ATXN7L1: variants seen among roughly 807,000 people sequenced by gnomAD.
The protein encoded by ATXN7L1 is ataxin 7 like 1, also known as ataxin-7-like protein 1.
In ATXN7L1, 15 loss-of-function variants were observed where a neutral mutation model predicts 70.8. The observed-to-expected ratio is 0.21, with a 90% CI of 0.14 to 0.33. The LOEUF (loss-of-function observed/expected upper bound fraction) is 0.33. Ranked by LOEUF, ATXN7L1 falls within the 10% of genes least tolerant of loss-of-function variation. The pLI, the probability that ATXN7L1 is intolerant of heterozygous loss-of-function variation, is 1.00. For missense variants in ATXN7L1, 975 were observed against 1,097.1 expected, an observed-to-expected ratio of 0.89 and a Z score of 1.57; for synonymous variants, 440 against 445.1, an observed-to-expected ratio of 0.99 and a Z score of 0.14.
chr7:105,777,807 C>T (rs1359159070), intron 3 of ATXN7L1, among the ~76,000 whole-genome samples: 4 of 152,210 alleles, frequency 2.6e-5, no homozygotes, highest in African/African-American at 9.6e-5. Flanking sequence ...CTTAGCACCA[C>T]ACGTAGAGTA....
Position 105,780,183 on chromosome 7 carries a change from T to C in ATXN7L1, c.355+8421A>G, listed in dbSNP as rs1803322037. Among the ~76,000 whole-genome samples the C allele has an allele frequency of 2.0e-5, 3 of 152,050 alleles. No homozygotes were observed. In the South Asian group the frequency reaches 6.2e-4, roughly 32 times the overall value. ...GAGATAGACAAAATAAAAAGAACAA[T>C]TGCAGGGAACCTTGGATCCTCATGA... On this transcript the variant is annotated intron_variant, in intron 3 of 11. Transcript: ENST00000419735.
intron 2 of ATXN7L1, among the ~76,000 whole-genome samples, chr7:105,859,235 A>T (rs57316151): frequency 6.6e-6 from 1 of 151,896 alleles, no homozygotes; most frequent in African/African-American, 2.4e-5. Flanking sequence ...CAAATAGTTC[A>T]GCAAAAACAT....
At chr7:105,631,135 T>G (rs1432497208) in intron 7 of ATXN7L1, among the ~76,000 whole-genome samples, 1 of 152,208 alleles carries the variant, frequency 6.6e-6, no homozygotes, top group African/African-American at 2.4e-5. Flanking sequence ...GGTAGTTTCC[T>G]AATTATTTAA....
chr7:105,618,126 G>C, intron 9 of ATXN7L1: 2 of 453,878 alleles, frequency 4.4e-6, no homozygotes, highest in Non-Finnish European at 4.4e-6. Context: ...TGGAGCTTGA[G>C]CTGACAGGAC....
rs1421205208 is a variant in ATXN7L1, at chr7:105,614,676, G to T, written c.1658C>A (p.Thr553Asn). The change falls in exon 10 of 12, where the codon ACC becomes AAC. Residue 553 changes from threonine to asparagine, a missense_variant. This residue lies in a region of ATXN7L1 where 635 missense variants were observed against 699.4 expected (regional missense o/e 0.91). Transcript: ENST00000419735. The surrounding 1 kb of genome is among the most constrained non-coding windows in gnomAD (Gnocchi z 4.3). ...GGCTGATGTCATTATGTAAGAAGAGGTGAGCCTCGAGCTGATGGGAGCTGA... is the reference window on the plus strand; with the variant it reads ...GGCTGATGTCATTATGTAAGAAGAGTTGAGCCTCGAGCTGATGGGAGCTGA... ...LPSAPISSRL[T>N]SSYIMTSAML... is the part of the protein sequence containing the mutation. 14 of 1,551,602 alleles carry T rather than the reference G, an allele frequency of 9.0e-6. No homozygotes were observed. In the Admixed American group the frequency reaches 2.7e-4, roughly 30 times the overall value.
chr7:105,833,336 C>T lies in ATXN7L1; in HGVS notation c.250+42476G>A, dbSNP rs75358479. ...CTTGCCCCTACTAGATCGTAGGTGC[C>T]GTAAAGGCAGGGAATTCTGCAGTCC... On this transcript the variant is annotated intron_variant, in intron 2 of 11. Transcript: ENST00000419735. Among the ~76,000 whole-genome samples the T allele has an allele frequency of 0.011, 1,726 of 152,244 alleles. 71 individuals are homozygous for T. In the East Asian group the frequency reaches 0.14, roughly 12 times the overall value.
intron 4 of ATXN7L1, among the ~76,000 whole-genome samples, chr7:105,659,259 C>G (rs1424544121): frequency 6.6e-6 from 1 of 152,218 alleles, no homozygotes; most frequent in African/African-American, 2.4e-5. Context: ...CTAAACAATT[C>G]TAGACAAAAG....
At chr7:105,722,246 C>T (rs1795267198) in intron 3 of ATXN7L1, among the ~76,000 whole-genome samples, 1 of 152,060 alleles carries the variant, frequency 6.6e-6, no homozygotes, top group South Asian at 2.1e-4. Context: ...TGTGCCCTCA[C>T]AGTTAAAGTG....
intron 2 of ATXN7L1, among the ~76,000 whole-genome samples, chr7:105,799,501 C>CTCCTATTCAGAGGGTCTCGGGT (rs76470301): frequency 1.5e-4 from 23 of 152,128 alleles, no homozygotes; most frequent in African/African-American, 5.1e-4. Flanking sequence ...CCATGGTGGG[C>CTCCTATTCAGAGGGTCTCGGGT]GAGAGACCTC....
intron 4 of ATXN7L1, among the ~76,000 whole-genome samples, chr7:105,648,162 A>T (rs2115962226): frequency 6.6e-6 from 1 of 152,318 alleles, no homozygotes; most frequent in East Asian, 1.9e-4. Flanking sequence ...GCAGAAGGAG[A>T]GAAGGGAGAC....
chr7:105,850,091 C>A (rs1415656307), intron 2 of ATXN7L1, among the ~76,000 whole-genome samples: 1 of 152,178 alleles, frequency 6.6e-6, no homozygotes, highest in Non-Finnish European at 1.5e-5. Context: ...CTCAGTGTTA[C>A]ATAAAATAAC....
chr7:105,848,291 T>C (rs1205161898), intron 2 of ATXN7L1, among the ~76,000 whole-genome samples: 1 of 152,230 alleles, frequency 6.6e-6, no homozygotes, highest in East Asian at 1.9e-4. Context: ...GATGGGAGTA[T>C]TAATTGGAAC....
intron 4 of ATXN7L1, among the ~76,000 whole-genome samples, chr7:105,644,041 G>A (rs1201751839): frequency 6.6e-6 from 1 of 152,204 alleles, no homozygotes; most frequent in African/African-American, 2.4e-5. Context: ...AGGGAAGAAT[G>A]CTAACATGGG....
intron 3 of ATXN7L1, among the ~76,000 whole-genome samples, chr7:105,697,730 T>C (rs1031034011): frequency 9.2e-5 from 14 of 152,248 alleles, no homozygotes; most frequent in Admixed American, 3.9e-4. Flanking sequence ...CGTTTAGAGA[T>C]TGCAGTAAAG....
intron 2 of ATXN7L1, among the ~76,000 whole-genome samples, chr7:105,793,168 G>T (rs1244497489): frequency 6.6e-6 from 1 of 152,230 alleles, no homozygotes; most frequent in Non-Finnish European, 1.5e-5. Flanking sequence ...GGGCTTCCTG[G>T]ATGACTAACA....
intron 3 of ATXN7L1, chr7:105,678,022 G>T: frequency 1.0e-6 from 1 of 985,214 alleles, no homozygotes. Flanking sequence ...GCAGTTGGCA[G>T]CGGCAAACAG....
intron 2 of ATXN7L1, among the ~76,000 whole-genome samples, chr7:105,811,742 G>A (rs1456257291): frequency 1.3e-5 from 2 of 152,196 alleles, no homozygotes; most frequent in Non-Finnish European, 2.9e-5. Context: ...ACTGGGAGAA[G>A]CAGAAACTGG....
At chr7:105,660,007 C>G (rs1444706998) in intron 4 of ATXN7L1, among the ~76,000 whole-genome samples, 2 of 152,014 alleles carry the variant, frequency 1.3e-5, no homozygotes, top group Non-Finnish European at 2.9e-5. Context: ...CTTGAGGAAG[C>G]GGCAGGACCA....
At chr7:105,859,411 A>C (rs1470434210) in intron 2 of ATXN7L1, among the ~76,000 whole-genome samples, 1 of 152,164 alleles carries the variant, frequency 6.6e-6, no homozygotes, top group East Asian at 1.9e-4. Flanking sequence ...ATACACATAC[A>C]TATACATATA....
Sources: allele counts gnomAD v4.1 joint callset (sites outside exome capture counted in the v4.1 genomes callset), GRCh38; gene constraint gnomAD v4.1.1; regional missense constraint gnomAD v4.1.1; non-coding constraint Gnocchi (gnomAD v3.1); transcripts MANE v1.5; gene names NCBI Gene and HGNC (gene_info 2026-07-23, HGNC 2026-07-21).